KCTD5: variants seen among roughly 807,000 people sequenced by gnomAD.
KCTD5 encodes BTB/POZ domain-containing protein KCTD5.
In KCTD5, 12 loss-of-function variants were observed where a neutral mutation model predicts 27.9. The ratio of observed to expected loss-of-function variants is 0.43; its 90% confidence interval spans 0.28 to 0.70. The LOEUF is 0.70. KCTD5 is among the 30% of genes least tolerant of loss of function. KCTD5 has a pLI of 0.19. For synonymous variants in KCTD5, 147 were observed against 121.4 expected (o/e 1.21, Z -1.39); for missense variants, 226 against 274.8 (o/e 0.82, Z 1.26).
chr16:2,692,602 A>C (rs1212061927), intron 1 of KCTD5, among the ~76,000 whole-genome samples: 1 of 152,122 alleles, frequency 6.6e-6, no homozygotes, highest in African/African-American at 2.4e-5. Flanking sequence ...GTGCATACTA[A>C]TTGGTTCATG....
intron 1 of KCTD5, among the ~76,000 whole-genome samples, chr16:2,685,189 G>A (rs1350010714): frequency 1.3e-5 from 2 of 152,202 alleles, no homozygotes; most frequent in East Asian, 3.9e-4. Flanking sequence ...ACTTTGGGAG[G>A]CCGAGGCGCG....
intron 4 of KCTD5, 47 bp from the exon 5 acceptor site, chr16:2,702,306 T>A: frequency 6.2e-7 from 1 of 1,609,302 alleles, no homozygotes; most frequent in African/African-American, 1.3e-5. Context: ...CCTGGCTGGG[T>A]CTCTCAGGCT....
intron 1 of KCTD5, among the ~76,000 whole-genome samples, chr16:2,688,203 T>C (rs1238296564): frequency 7.2e-6 from 1 of 139,814 alleles, no homozygotes; most frequent in Middle Eastern, 3.3e-3. Context: ...TACTTGGTTT[T>C]TATTATTAAA....
chr16:2,691,740 C>G (rs1208199000), intron 1 of KCTD5, among the ~76,000 whole-genome samples: 2 of 152,110 alleles, frequency 1.3e-5, no homozygotes, highest in Non-Finnish European at 1.5e-5. Context: ...TGCCCTGCAG[C>G]CTTGGCTCCC....
chr16:2,699,031 C>G (rs1252691183), intron 3 of KCTD5: 2 of 425,572 alleles, frequency 4.7e-6, no homozygotes, highest in East Asian at 1.4e-4. Context: ...AATAAAGCAA[C>G]TCGGGCATGT....
At chr16:2,701,622 G>A (rs1033475796) in intron 4 of KCTD5, among the ~76,000 whole-genome samples, 6 of 151,874 alleles carry the variant, frequency 4.0e-5, no homozygotes, top group African/African-American at 9.7e-5. Context: ...TCTCCCGGCC[G>A]TTGGTCCAAC....
intron 1 of KCTD5, among the ~76,000 whole-genome samples, chr16:2,688,503 G>A (rs946343381): frequency 9.9e-5 from 15 of 152,028 alleles, no homozygotes; most frequent in African/African-American, 3.1e-4. Context: ...CGCCCTCCTT[G>A]GCCTCCCAAA....
At chr16:2,700,381 G>C (rs1014236497) in intron 4 of KCTD5, among the ~76,000 whole-genome samples, 6 of 152,230 alleles carry the variant, frequency 3.9e-5, no homozygotes, top group African/African-American at 1.2e-4. Context: ...CCTTCTCTCT[G>C]GTTTTGGCAA....
intron 4 of KCTD5, among the ~76,000 whole-genome samples, chr16:2,700,659 T>C (rs1463422589): frequency 6.6e-6 from 1 of 152,194 alleles, no homozygotes; most frequent in African/African-American, 2.4e-5. Context: ...TGTCACTTGC[T>C]TCTGTCTGGG....
Position 2,707,528 on chromosome 16 carries a change from G to A in KCTD5, c.*201G>A. ...CCAAGGCCAGACGTCCCCAAGTTGG[G>A]GGAGCACGGCGGCCGGGTGGGCGCT... On this transcript the variant is annotated 3_prime_UTR_variant, in exon 6 of 6. Coordinates refer to ENST00000301738, the MANE Select transcript of KCTD5 (RefSeq NM_018992.4). The A allele has an allele frequency of 8.7e-6, 6 of 690,354 alleles. No individual in the cohort carries two copies. The highest frequency in any genetic ancestry group is 1.5e-5 in the South Asian group (1 of 64,910). 42.8% of individuals were successfully genotyped at this position (690,354 alleles called of 1,614,324 possible). A position where few individuals can be genotyped will look rare whatever the true frequency, so the allele number is the denominator to read the frequency against.
intron 1 of KCTD5, among the ~76,000 whole-genome samples, chr16:2,693,225 G>A (rs2067574589): frequency 6.6e-6 from 1 of 152,208 alleles, no homozygotes; most frequent in South Asian, 2.1e-4. Flanking sequence ...CATGCTGAGG[G>A]CAGTGGGCTA....
Position 2,698,009 on chromosome 16 carries a change from G to T in KCTD5, c.453+12G>T. 1 of 1,588,994 alleles carries T rather than the reference G, an allele frequency of 6.3e-7. No individual in the cohort carries two copies. Among genetic ancestry groups the T allele is most frequent in the South Asian group, 1.1e-5 (1 of 90,402 alleles). On this transcript the variant is annotated intron_variant, in intron 3 of 5. Coordinates refer to ENST00000301738, the MANE Select transcript of KCTD5 (RefSeq NM_018992.4). The stretch of plus-strand genomic sequence containing the variant: ...GCAAAACATCGCAGGTGAGACAAAT[G>T]ACTGAGGCTGGAAGCTTGTATGGCT...
At chr16:2,688,233 A>G (rs1273093926) in intron 1 of KCTD5, among the ~76,000 whole-genome samples, 1 of 87,594 alleles carries the variant, frequency 1.1e-5, no homozygotes, top group Non-Finnish European at 2.5e-5. Flanking sequence ...AAATAAATAT[A>G]TATATATATA....
chr16:2,692,985 G>A (rs941615994), intron 1 of KCTD5, among the ~76,000 whole-genome samples: 6 of 152,388 alleles, frequency 3.9e-5, no homozygotes, highest in African/African-American at 1.4e-4. Flanking sequence ...CGGGTCTGCA[G>A]CCATAGTTTG....
chr16:2,693,282 G>T (rs935088085), intron 1 of KCTD5, among the ~76,000 whole-genome samples: 3 of 152,228 alleles, frequency 2.0e-5, no homozygotes, highest in Non-Finnish European at 4.4e-5. Flanking sequence ...TTCCCTCCCT[G>T]CAGCGGCAGG....
In KCTD5 at chr16:2,700,810, C is replaced by G. The variant is rs573163330; in HGVS notation, c.549+894C>G. ...CATTGTAGGGTACTTGGAGCCCCCC[C>G]CCCCTTAAAATGTCACTAAAAACAT... is the stretch of plus-strand genomic sequence containing the variant. On this transcript the variant is annotated intron_variant, in intron 4 of 5. Transcript: ENST00000301738. Among the ~76,000 whole-genome samples, 12 of 152,104 alleles carry G rather than the reference C, an allele frequency of 7.9e-5. 1 individual carries two copies. The South Asian group carries it at 8.3e-4, about 11-fold the overall frequency.
intron 5 of KCTD5, 96 bp from the exon 6 acceptor site, chr16:2,707,202 A>G: frequency 4.1e-6 from 5 of 1,224,076 alleles, no homozygotes; most frequent in Non-Finnish European, 5.8e-6. Context: ...CCCCGAGCTA[A>G]CCCCAGGCCT....
chr16:2,700,836 T>C (rs2067608434), intron 4 of KCTD5, among the ~76,000 whole-genome samples: 1 of 148,882 alleles, frequency 6.7e-6, no homozygotes, highest in African/African-American at 2.5e-5. Flanking sequence ...CTAAAAACAT[T>C]TGTGTCCCAC....
chr16:2,693,599 C>A (rs1487936726), intron 1 of KCTD5, among the ~76,000 whole-genome samples: 1 of 152,248 alleles, frequency 6.6e-6, no homozygotes, highest in Admixed American at 6.5e-5. Context: ...CGATGGCCGT[C>A]CCCACCCTGC....
Sources: allele counts gnomAD v4.1 joint callset (sites outside exome capture counted in the v4.1 genomes callset), GRCh38; gene constraint gnomAD v4.1.1; transcripts MANE v1.5; gene names NCBI Gene and HGNC (gene_info 2026-07-23, HGNC 2026-07-21).